Variants in MREG observed in about 807,000 individuals in gnomAD.
MREG encodes the protein dilute suppressor protein homolog.
In MREG, 31 loss-of-function variants were observed where a neutral mutation model predicts 28.5. The observed-to-expected ratio is 1.09, with a 90% CI of 0.82 to 1.47. MREG has a LOEUF of 1.47. Among genes scored for constraint, MREG ranks in the 40% most tolerant of loss-of-function variants. The probability of loss-of-function intolerance (pLI) is 0.00; values close to 1 mark genes in which losing one functional copy is unlikely to be tolerated. For missense variants in MREG, 256 were observed against 257.4 expected, an observed-to-expected ratio of 0.99 and a Z score of 0.04; for synonymous variants, 106 against 95.2, an observed-to-expected ratio of 1.11 and a Z score of -0.66.
At chr2:216,013,682 C>G (rs1409878894), upstream of MREG, 1 of 142,560 alleles carries the variant, frequency 7.0e-6, no homozygotes, top group African/African-American at 2.5e-5. Flanking sequence ...CCCAGGGCAC[C>G]GGAGGCTGGC....
At chr2:216,030,521 C>A (rs1260785352) in intron 1 of MREG, among the ~76,000 whole-genome samples, 2 of 151,944 alleles carry the variant, frequency 1.3e-5, no homozygotes, top group Non-Finnish European at 2.9e-5. Flanking sequence ...CTAATAAATG[C>A]TAGCTATTGT....
At chr2:216,027,461 G>A (rs1196032767) in intron 1 of MREG, among the ~76,000 whole-genome samples, 1 of 152,210 alleles carries the variant, frequency 6.6e-6, no homozygotes, top group Non-Finnish European at 1.5e-5. Context: ...GGAAGCCAAG[G>A]TGGGAAGATC....
intron 2 of MREG, among the ~76,000 whole-genome samples, chr2:215,974,577 T>C (rs1693191020): frequency 6.6e-6 from 1 of 151,986 alleles, no homozygotes; most frequent in African/African-American, 2.4e-5. Context: ...GAGGCAGGGC[T>C]AGGAGTGGTG....
Position 215,996,356 on chromosome 2 carries a change from TTC to T in MREG, c.203_204del (p.Arg68AsnfsTer10). 1 of 1,613,986 alleles carries T rather than the reference TTC, an allele frequency of 6.2e-7. No homozygotes were observed. Among genetic ancestry groups the T allele is most frequent in the Non-Finnish European group, 8.5e-7 (1 of 1,179,880 alleles). ...DVSHTEADDDRTLYNLIVIRN... is the reference protein window; with the variant it reads ...DVSHTEADDDXTLYNLIVIRN... ...CGAATGACTATCAAATTGTACAGGGTTCTGTCGTCGTCTGCCTCTGTGTGGGA... is the reference window on the plus strand; with the variant it reads ...CGAATGACTATCAAATTGTACAGGGTTGTCGTCGTCTGCCTCTGTGTGGGA... On this transcript the variant is annotated frameshift_variant, in exon 2 of 5. Coordinates refer to ENST00000263268, the MANE Select transcript of MREG (RefSeq NM_018000.3). LOFTEE classifies it high-confidence loss of function.
intron 2 of MREG, among the ~76,000 whole-genome samples, chr2:215,969,765 A>G (rs1205747960): frequency 2.0e-5 from 3 of 152,136 alleles, no homozygotes; most frequent in Non-Finnish European, 4.4e-5. Context: ...TGCAGAGACC[A>G]GCAGACCCAG....
intron 2 of MREG, 73 bp downstream of exon 2, chr2:215,996,233 G>C: frequency 1.4e-6 from 2 of 1,393,720 alleles, no homozygotes; most frequent in East Asian, 2.5e-5. Context: ...ATTTCAAGGG[G>C]ATCTTCTCAG....
At chr2:216,001,635 AAG>A (rs1188826408) in intron 1 of MREG, among the ~76,000 whole-genome samples, 1 of 152,194 alleles carries the variant, frequency 6.6e-6, no homozygotes, top group African/African-American at 2.4e-5. Context: ...TAAATAAACA[AAG>A]AACTTTTTTC....
At chr2:216,017,941 A>T (rs1024455543), upstream of MREG, among the ~76,000 whole-genome samples, 1 of 151,742 alleles carries the variant, frequency 6.6e-6, no homozygotes, top group Admixed American at 6.6e-5. Context: ...ACCTGAGGTC[A>T]GGAGTTTGAG....
In MREG at chr2:215,996,455, G is replaced by T; in HGVS notation, c.106C>A (p.Pro36Thr). Residue 36 changes from proline to threonine, a missense_variant, in exon 2 of 5, where the codon CCA becomes ACA. Transcript: ENST00000263268. ...AGAGTTGCTCCAAATGAGGAATATG[G>T]ATTGTTATCACTGTTGTATAAAAAA... ...EKEPLVSDNNPYSSFGATLVR... is the reference protein window; with the variant it reads ...EKEPLVSDNNTYSSFGATLVR... 3 of 1,611,086 alleles carry T rather than the reference G, an allele frequency of 1.9e-6. No individual in the cohort carries two copies. The highest frequency in any genetic ancestry group is 1.7e-4 in the Middle Eastern group (1 of 6,054).
chr2:215,965,919 G>A (rs1692926782), intron 2 of MREG, among the ~76,000 whole-genome samples: 1 of 152,308 alleles, frequency 6.6e-6, no homozygotes, highest in East Asian at 1.9e-4. Context: ...TCTTTGCTAG[G>A]AGGAAAAACC....
intron 1 of MREG, 61 bp from the exon 2 acceptor site, chr2:215,996,526 T>C: frequency 8.2e-7 from 1 of 1,226,042 alleles, no homozygotes; most frequent in East Asian, 2.3e-5. Context: ...TTATATGTCA[T>C]ATGCATGCAA....
chr2:215,951,338 T>G (rs991201310), intron 2 of MREG, among the ~76,000 whole-genome samples: 6 of 152,174 alleles, frequency 3.9e-5, no homozygotes, highest in Non-Finnish European at 7.3e-5. Context: ...CCGATGTCCC[T>G]CTCCAATTTT....
rs1340589436 is a variant in MREG, at chr2:215,943,448, A to G, written c.*1415T>C. ...GCAAGTCTGCATGAGAGGTCCCCCC[A>G]CAGGTGCAGCTGCCAGCCAACGAAT... On this transcript the variant is annotated 3_prime_UTR_variant, in exon 5 of 5. Coordinates refer to ENST00000263268, the MANE Select transcript of MREG (RefSeq NM_018000.3). The G allele has an allele frequency of 2.2e-6, 1 of 456,646 alleles. No homozygotes were observed. Among genetic ancestry groups the G allele is most frequent in the African/African-American group, 2.0e-5 (1 of 50,084 alleles). 28.3% of individuals were successfully genotyped at this position (456,646 alleles called of 1,614,324 possible).
At chr2:215,950,433 C>T (rs939402711) in intron 2 of MREG, among the ~76,000 whole-genome samples, 2 of 152,156 alleles carry the variant, frequency 1.3e-5, no homozygotes, top group Non-Finnish European at 2.9e-5. Flanking sequence ...GGGGAAGCAA[C>T]ACATAACTAA....
intron 2 of MREG, among the ~76,000 whole-genome samples, chr2:215,987,943 A>AG (rs1267694005): frequency 1.6e-4 from 24 of 152,158 alleles, no homozygotes; most frequent in Admixed American, 1.6e-3. Context: ...ATAAAAAAGA[A>AG]GAAGGAAGCA....
intron 1 of MREG, among the ~76,000 whole-genome samples, chr2:216,002,895 G>GTCTCTCTTCTCTCTTTCTC (rs1694055073): frequency 7.0e-6 from 1 of 142,172 alleles, no homozygotes; most frequent in Non-Finnish European, 1.5e-5. Flanking sequence ...TTCTCTTTCT[G>GTCTCTCTTCTCTCTTTCTC]TCTCTCTTCT....
At chr2:216,028,873 T>G (rs1399935665) in intron 1 of MREG, among the ~76,000 whole-genome samples, 1 of 152,024 alleles carries the variant, frequency 6.6e-6, no homozygotes, top group Non-Finnish European at 1.5e-5. Flanking sequence ...GCAAAATTTA[T>G]GTTATATATA....
intron 1 of MREG, among the ~76,000 whole-genome samples, chr2:216,028,706 A>C: frequency 6.6e-6 from 1 of 152,172 alleles, no homozygotes; most frequent in East Asian, 1.9e-4. Context: ...TTTCTCAAAC[A>C]TACTTGGATT....
chr2:215,985,612 CT>C (rs1559187432), intron 2 of MREG, among the ~76,000 whole-genome samples: 1 of 152,046 alleles, frequency 6.6e-6, no homozygotes, highest in Admixed American at 6.6e-5. Context: ...TTTTTCCTGA[CT>C]TTTTTTCAGT....
Sources: gnomAD v4.1 joint callset for allele counts (sites outside exome capture counted in the v4.1 genomes callset) on GRCh38, gnomAD v4.1.1 for gene constraint, MANE v1.5 for transcripts, NCBI Gene and HGNC (gene_info 2026-07-23, HGNC 2026-07-21) for gene names.